The following SH3GL3 variants were observed in gnomAD, a reference collection of about 807,000 sequenced individuals.
SH3GL3 encodes SH3 domain containing GRB2 like 3, endophilin A3.
In SH3GL3, 33 loss-of-function variants were observed where a neutral mutation model predicts 47.7. The observed-to-expected ratio is 0.69, with a 90% CI of 0.52 to 0.92. SH3GL3 has a LOEUF of 0.92. SH3GL3 is among the 40% of genes least tolerant of loss of function. SH3GL3 has a pLI of 0.00. For missense variants in SH3GL3, 363 were observed against 417.8 expected, an observed-to-expected ratio of 0.87 and a Z score of 1.14; for synonymous variants, 155 against 148.8, an observed-to-expected ratio of 1.04 and a Z score of -0.30.
At chr15:83,511,170 C>A (rs545605133) in intron 1 of SH3GL3, among the ~76,000 whole-genome samples, 2 of 151,764 alleles carry the variant, frequency 1.3e-5, no homozygotes, top group Non-Finnish European at 2.9e-5. Flanking sequence ...GTTGGCCAAT[C>A]GGAAGAACGG....
chr15:83,533,647 G>A (rs1010937155), intron 1 of SH3GL3, among the ~76,000 whole-genome samples: 5 of 152,162 alleles, frequency 3.3e-5, no homozygotes, highest in Admixed American at 2.6e-4. Context: ...GTTGGCCTCG[G>A]GTAGGGCATT....
chr15:83,540,689 T>C lies in SH3GL3; in HGVS notation c.46-18564T>C, dbSNP rs2044113299. The stretch of plus-strand genomic sequence containing the variant: ...TTATGGCATATATCAGATATTTTTA[T>C]ACAGGCATACAATAAGTAAGGATTA... On this transcript the variant is annotated intron_variant, in intron 1 of 8. Transcript: ENST00000427482. Among the ~76,000 whole-genome samples the C allele has an allele frequency of 2.0e-5, 3 of 152,196 alleles. No homozygotes were observed. In the South Asian group the frequency reaches 6.2e-4, roughly 32 times the overall value.
chr15:83,541,589 G>GC (rs2044171644), intron 1 of SH3GL3, among the ~76,000 whole-genome samples: 1 of 152,006 alleles, frequency 6.6e-6, no homozygotes, highest in Non-Finnish European at 1.5e-5. Flanking sequence ...CTTACCAAGG[G>GC]TGTATGAGGG....
At chr15:83,626,996 A>T in the SH3GL3 span, among the ~76,000 whole-genome samples, 1 of 152,202 alleles carries the variant, frequency 6.6e-6, no homozygotes, top group Non-Finnish European at 1.5e-5. Flanking sequence ...CCGTATCAAC[A>T]TTCCCTCTGT....
intron 1 of SH3GL3, among the ~76,000 whole-genome samples, chr15:83,524,631 T>G (rs998735415): frequency 6.6e-6 from 1 of 152,068 alleles, no homozygotes; most frequent in African/African-American, 2.4e-5. Flanking sequence ...ACTGTATGTT[T>G]GCACTCATTA....
intron 8 of SH3GL3, among the ~76,000 whole-genome samples, chr15:83,593,102 T>A (rs1387098905): frequency 6.6e-6 from 1 of 152,244 alleles, no homozygotes; most frequent in Non-Finnish European, 1.5e-5. Context: ...TGACTGTAGC[T>A]TTATAAGTTT....
intron 1 of SH3GL3, among the ~76,000 whole-genome samples, chr15:83,544,431 G>C (rs796313458): frequency 2.0e-5 from 3 of 152,212 alleles, no homozygotes; most frequent in African/African-American, 7.2e-5. Context: ...TTCTGCAGCT[G>C]TTGGATGAAA....
chr15:83,575,373 T>C (rs1452219368), intron 5 of SH3GL3, among the ~76,000 whole-genome samples: 1 of 152,252 alleles, frequency 6.6e-6, no homozygotes, highest in Non-Finnish European at 1.5e-5. Flanking sequence ...AACACACTTA[T>C]TCTGAAATGT....
chr15:83,590,572 C>T (rs1280645068), intron 8 of SH3GL3, among the ~76,000 whole-genome samples: 2 of 152,230 alleles, frequency 1.3e-5, no homozygotes, highest in African/African-American at 4.8e-5. Context: ...CACATCCCTG[C>T]CAGCATTTGC....
intron 1 of SH3GL3, among the ~76,000 whole-genome samples, chr15:83,489,837 CGATAGATAGATAGATAGATAGATAGATA>C (rs60233650): frequency 1.1e-4 from 16 of 144,748 alleles, no homozygotes; most frequent in Admixed American, 2.8e-4. Flanking sequence ...TGTCAGAAGC[CGATAGATAGATAGATAGATAGATAGATA>C]GATAGATAGA....
chr15:83,513,623 G>A (rs868307550), intron 1 of SH3GL3, among the ~76,000 whole-genome samples: 14 of 151,820 alleles, frequency 9.2e-5, no homozygotes, highest in Admixed American at 2.6e-4. Context: ...ATGCTCCACC[G>A]CAGACTGTAC....
chr15:83,467,903 C>A (rs2040642078), intron 1 of SH3GL3, among the ~76,000 whole-genome samples: 3 of 152,200 alleles, frequency 2.0e-5, no homozygotes, highest in Admixed American at 2.0e-4. Context: ...TCTTGGCTCA[C>A]TGCAAGCTCT....
In SH3GL3 at chr15:83,565,165, A is replaced by G. The variant is rs2045474652; in HGVS notation, c.146A>G (p.Glu49Gly). The part of the protein sequence containing the change: ...KIDVTNKVVA[E>G]ILSKTTEYLQ... ...GATGTTACCAATAAAGTTGTTGCAGAAATTCTTTCAAAAACCACTGAATAT... is the reference window on the plus strand; with the variant it reads ...GATGTTACCAATAAAGTTGTTGCAGGAATTCTTTCAAAAACCACTGAATAT... The change falls in exon 3 of 9, where the codon GAA becomes GGA. Residue 49 changes from glutamate (E) to glycine (G), a missense_variant. Coordinates refer to ENST00000427482, the MANE Select transcript of SH3GL3 (RefSeq NM_003027.5). The G allele has an allele frequency of 1.9e-6, 3 of 1,579,236 alleles. No homozygotes were observed.
At chr15:83,608,741 C>T (rs953611573) in intron 8 of SH3GL3, among the ~76,000 whole-genome samples, 5 of 150,854 alleles carry the variant, frequency 3.3e-5, no homozygotes, top group African/African-American at 9.7e-5. Context: ...TTCTACCCGC[C>T]CCCCACTCCC....
intron 6 of SH3GL3, among the ~76,000 whole-genome samples, chr15:83,583,396 G>A (rs1012181487): frequency 2.0e-5 from 3 of 152,212 alleles, no homozygotes; most frequent in Admixed American, 1.3e-4. Flanking sequence ...CTCTTGCAGA[G>A]TTGGCCTAAG....
chr15:83,546,904 A>T (rs1179045848), intron 1 of SH3GL3, among the ~76,000 whole-genome samples: 3 of 152,056 alleles, frequency 2.0e-5, no homozygotes, highest in African/African-American at 7.2e-5. Flanking sequence ...TTTTACTGTG[A>T]CGGAGCTGGT....
chr15:83,496,166 C>T (rs111664929), intron 1 of SH3GL3, among the ~76,000 whole-genome samples: 13,591 of 151,922 alleles, frequency 0.089, 789 homozygotes, highest in East Asian at 0.24. Context: ...GGAGACCAGC[C>T]TGGCCAACAT....
chr15:83,499,944 T>C lies in SH3GL3; in HGVS notation c.45+52366T>C, dbSNP rs77259644. ...TCCCTGATATTTAAAAGCTGCATTA[T>C]TTCAGGAAAAGGTACCAGTCTGCTG... On this transcript the variant is annotated intron_variant, in intron 1 of 8. Coordinates refer to ENST00000427482, the MANE Select transcript of SH3GL3 (RefSeq NM_003027.5). 3.9e-5 allele frequency among the ~76,000 whole-genome samples: 6 copies of C among 152,324 alleles called. No homozygotes were observed. The East Asian group carries it at 5.8e-4, about 15-fold the overall frequency.
At chr15:83,542,878 T>A (rs945098719) in intron 1 of SH3GL3, among the ~76,000 whole-genome samples, 2 of 152,166 alleles carry the variant, frequency 1.3e-5, no homozygotes, top group Non-Finnish European at 2.9e-5. Flanking sequence ...AGTATTTAGA[T>A]TTTTCCAAAT....
Sources: gnomAD v4.1 joint callset for allele counts (sites outside exome capture counted in the v4.1 genomes callset) on GRCh38, gnomAD v4.1.1 for gene constraint, MANE v1.5 for transcripts, NCBI Gene and HGNC (gene_info 2026-07-23, HGNC 2026-07-21) for gene names.